PXDNL: variants seen among roughly 807,000 people sequenced by gnomAD.
The protein encoded by PXDNL is probable oxidoreductase PXDNL.
Under a neutral mutation model 150.8 loss-of-function variants are expected in PXDNL, and 145 were observed. The ratio of observed to expected loss-of-function variants is 0.96; its 90% CI spans 0.84 to 1.10. PXDNL has a LOEUF of 1.10. Ranked by LOEUF, PXDNL falls within the 50% of genes least tolerant of loss-of-function variation. PXDNL has a pLI of 0.00. For missense variants in PXDNL, 2,087 were observed against 1,873.9 expected, an observed-to-expected ratio of 1.11 and a Z score of -2.10; for synonymous variants, 757 against 725.7, an observed-to-expected ratio of 1.04 and a Z score of -0.69.
chr8:51,505,251 A>C (rs1431376963), intron 4 of PXDNL, among the ~76,000 whole-genome samples: 1 of 152,230 alleles, frequency 6.6e-6, no homozygotes, highest in East Asian at 1.9e-4. Flanking sequence ...ATGATCTTTA[A>C]AACATGCAGA....
At chr8:51,653,552 C>T (rs1438683479) in intron 2 of PXDNL, among the ~76,000 whole-genome samples, 3 of 152,174 alleles carry the variant, frequency 2.0e-5, no homozygotes, top group East Asian at 3.9e-4. Flanking sequence ...GTACATTGCA[C>T]TTTGATAATC....
At chr8:51,387,891 T>G (rs1807769696) in intron 17 of PXDNL, among the ~76,000 whole-genome samples, 1 of 152,176 alleles carries the variant, frequency 6.6e-6, no homozygotes, top group African/African-American at 2.4e-5. Flanking sequence ...TGGACTTATA[T>G]TAATTATTCC....
intron 3 of PXDNL, among the ~76,000 whole-genome samples, chr8:51,578,007 A>AAAG (rs1813118215): frequency 1.3e-4 from 11 of 87,956 alleles, no homozygotes; most frequent in African/African-American, 3.5e-4. Context: ...AAGAGGAAGG[A>AAAG]AGGAAGGAAG....
chr8:51,351,641 C>T (rs945883058), intron 19 of PXDNL, among the ~76,000 whole-genome samples: 2 of 152,156 alleles, frequency 1.3e-5, no homozygotes, highest in African/African-American at 2.4e-5. Context: ...TCACACCTTC[C>T]GTGGCCAGAA....
chr8:51,445,971 A>C (rs1417951791), intron 12 of PXDNL, among the ~76,000 whole-genome samples: 1 of 151,782 alleles, frequency 6.6e-6, no homozygotes, highest in Non-Finnish European at 1.5e-5. Context: ...CCCCCCGTAG[A>C]ACCTCAACTT....
intron 2 of PXDNL, among the ~76,000 whole-genome samples, chr8:51,645,174 C>T (rs1814890631): frequency 6.6e-6 from 1 of 152,050 alleles, no homozygotes; most frequent in Admixed American, 6.6e-5. Context: ...TGTCCCAGCT[C>T]AGCATTCAGG....
chr8:51,612,875 A>T (rs1043466824), intron 2 of PXDNL, among the ~76,000 whole-genome samples: 2 of 152,290 alleles, frequency 1.3e-5, no homozygotes, highest in East Asian at 3.9e-4. Flanking sequence ...GACACATGGG[A>T]TATTGCATTT....
rs138668088 is a variant in PXDNL at position 51,727,747 on chromosome 8, C to T, written c.165-72987G>A. Among the ~76,000 whole-genome samples the T allele has an allele frequency of 1.2e-3, 178 of 152,290 alleles. 1 individual carries two copies. The highest frequency in any genetic ancestry group is 4.0e-3 in the African/African-American group (167 of 41,570). On this transcript the variant is annotated intron_variant, in intron 1 of 22. Coordinates refer to ENST00000356297, the MANE Select transcript of PXDNL (RefSeq NM_144651.5). ...ACTAGGGATCTACAATCACGCTATG[C>T]CTAAATGAGGCAAACACCTATGGTA...
intron 8 of PXDNL, among the ~76,000 whole-genome samples, chr8:51,460,342 C>A (rs1419631024): frequency 4.7e-5 from 7 of 148,964 alleles, no homozygotes; most frequent in Non-Finnish European, 1.0e-4. Context: ...CTGGAACTGT[C>A]AATCATATTT....
chr8:51,522,143 A>G (rs369029048), intron 4 of PXDNL, among the ~76,000 whole-genome samples: 75 of 152,358 alleles, frequency 4.9e-4, no homozygotes, highest in Middle Eastern at 3.4e-3. Flanking sequence ...AAGGAAATAC[A>G]GTGCAAACTT....
rs774063210 is a variant in PXDNL at position 51,453,598 on chromosome 8, T to C, written c.1170A>G (p.Gln390=). 1.9e-6 allele frequency: 3 copies of C among 1,613,872 alleles called. No individual in the cohort carries two copies. The highest frequency in any genetic ancestry group is 1.3e-5 in the African/African-American group (1 of 74,924). The change falls in exon 10 of 23, where the codon CAA becomes CAG. Residue 390 remains glutamine, a synonymous_variant. Coordinates refer to ENST00000356297, the MANE Select transcript of PXDNL (RefSeq NM_144651.5). ...SSGLYLQNIT[Q]RDHGRFTCHA... ...GACAGGTAAATCGACCATGATCCCGTTGTGTGATGTTCTGTAAGTAAAGTC... is the reference window on the plus strand; with the variant it reads ...GACAGGTAAATCGACCATGATCCCGCTGTGTGATGTTCTGTAAGTAAAGTC...
At chr8:51,386,837 A>AC in intron 17 of PXDNL, among the ~76,000 whole-genome samples, 1 of 151,776 alleles carries the variant, frequency 6.6e-6, no homozygotes, top group African/African-American at 2.4e-5. Context: ...AAAAAAAAAA[A>AC]GAAAGAGTCT....
At chr8:51,770,360 T>C (rs1284997030) in intron 1 of PXDNL, among the ~76,000 whole-genome samples, 1 of 152,226 alleles carries the variant, frequency 6.6e-6, no homozygotes, top group Non-Finnish European at 1.5e-5. Flanking sequence ...AAAGACAGTC[T>C]TGGCCTTCAT....
chr8:51,586,243 A>G (rs191126516), intron 3 of PXDNL, among the ~76,000 whole-genome samples: 274 of 152,320 alleles, frequency 1.8e-3, no homozygotes, highest in African/African-American at 4.8e-3. Context: ...AACAAGCACA[A>G]TCTAGCTGGC....
Position 51,598,836 on chromosome 8 carries a change from G to C in PXDNL, c.237-6138C>G, listed in dbSNP as rs181413118. On this transcript the variant is annotated intron_variant, in intron 2 of 22. Transcript: ENST00000356297. ...CATGTCAACTCTTTTCTGTACATCT[G>C]GTAGCATTCGGCTGTGAATCCATTT... 1.7e-3 allele frequency among the ~76,000 whole-genome samples: 262 copies of C among 152,142 alleles called. 2 individuals are homozygous for C. The highest frequency in any genetic ancestry group is 5.8e-3 in the African/African-American group (241 of 41,528).
At chr8:51,324,857 C>T (rs571503217) in intron 21 of PXDNL, among the ~76,000 whole-genome samples, 1 of 152,204 alleles carries the variant, frequency 6.6e-6, no homozygotes, top group Non-Finnish European at 1.5e-5. Context: ...TGAAATTGCT[C>T]ATTGAAGCAT....
chr8:51,476,324 G>A (rs1383114771), intron 6 of PXDNL, among the ~76,000 whole-genome samples: 2 of 152,100 alleles, frequency 1.3e-5, no homozygotes, highest in African/African-American at 2.4e-5. Flanking sequence ...TAAACTCCTT[G>A]GCATCAATAT....
intron 1 of PXDNL, among the ~76,000 whole-genome samples, chr8:51,662,845 G>A (rs1182501633): frequency 6.6e-6 from 1 of 152,162 alleles, no homozygotes; most frequent in African/African-American, 2.4e-5. Flanking sequence ...CAGCAAGGGA[G>A]CACACATATG....
intron 1 of PXDNL, among the ~76,000 whole-genome samples, chr8:51,795,303 T>A (rs569226538): frequency 6.6e-6 from 1 of 152,362 alleles, no homozygotes; most frequent in South Asian, 2.1e-4. Flanking sequence ...ACATGATAGA[T>A]ATCTACAGAA....
Sources: gnomAD v4.1 joint callset for allele counts (sites outside exome capture counted in the v4.1 genomes callset) on GRCh38, gnomAD v4.1.1 for gene constraint, MANE v1.5 for transcripts, NCBI Gene and HGNC (gene_info 2026-07-23, HGNC 2026-07-21) for gene names.